Variants in COL10A1 observed in about 807,000 individuals in gnomAD.
COL10A1 encodes collagen alpha-1(X) chain.
In COL10A1, 10 loss-of-function variants were observed where a neutral mutation model predicts 18.2. The ratio of observed to expected loss-of-function variants is 0.55; its 90% CI spans 0.34 to 0.93. The LOEUF (loss-of-function observed/expected upper bound fraction) is 0.93, where lower values mean the gene tolerates loss of function less well. Among genes scored for constraint, COL10A1 ranks in the 40% least tolerant of loss-of-function variants. The pLI, the probability that COL10A1 is intolerant of heterozygous loss-of-function variation, is 0.02. For synonymous variants in COL10A1, 330 were observed against 316.6 expected (o/e 1.04, Z -0.45); for missense variants, 897 against 853.5 (o/e 1.05, Z -0.64).
At chr6:116,187,292 G>A in the COL10A1 span, among the ~76,000 whole-genome samples, 3 of 151,970 alleles carry the variant, frequency 2.0e-5, no homozygotes, top group Non-Finnish European at 4.4e-5. Flanking sequence ...ACTCTGTGAG[G>A]GTCATTAGTT....
rs755612188 is a variant in COL10A1 at position 116,125,372 on chromosome 6, G to C, written c.121C>G (p.Gln41Glu). The C allele has an allele frequency of 1.2e-6, 2 of 1,613,754 alleles. No individual in the cohort carries two copies. The highest frequency in any genetic ancestry group is 1.7e-6 in the Non-Finnish European group (2 of 1,179,824). Residue 41 changes from glutamine to glutamate, a missense_variant, in exon 2 of 3, where the codon CAG becomes GAG. Transcript: ENST00000651968. ...IKGPLPNTKTQFFIPYTIKSK... is the reference protein window; with the variant it reads ...IKGPLPNTKTEFFIPYTIKSK... ...TTTATGGTGTAGGGAATGAAGAACTGTGTCTTGGTGTTGGGTAGTGGGCCT... is the reference window on the plus strand; with the variant it reads ...TTTATGGTGTAGGGAATGAAGAACTCTGTCTTGGTGTTGGGTAGTGGGCCT...
the COL10A1 span, among the ~76,000 whole-genome samples, chr6:116,201,243 A>G: frequency 6.6e-6 from 1 of 152,096 alleles, no homozygotes; most frequent in Non-Finnish European, 1.5e-5. Flanking sequence ...AGTTACCTCT[A>G]TGATACTCTT....
Position 116,121,485 on chromosome 6 carries a change from T to C in COL10A1, c.631A>G (p.Thr211Ala). 1 of 1,614,108 alleles carries C rather than the reference T, an allele frequency of 6.2e-7. No homozygotes were observed. The highest frequency in any genetic ancestry group is 8.5e-7 in the Non-Finnish European group (1 of 1,179,992). The change falls in exon 3 of 3, where the codon ACA becomes GCA. Residue 211 changes from threonine to alanine, a missense_variant. Physicochemically the swap from Thr to Ala is moderately conservative, Grantham distance 58 (BLOSUM62 0). Transcript: ENST00000651968. ...ERGLPGPQGP[T>A]GPSGPPGVGK... ...ACTCCAGGAGGGCCAGATGGTCCTG[T>C]GGGACCCTGAGGGCCTGGAAGACCC... is the stretch of plus-strand genomic sequence containing the variant.
At chr6:116,154,136 A>G (rs1371114927) in intron 1 of COL10A1, among the ~76,000 whole-genome samples, 1 of 151,298 alleles carries the variant, frequency 6.6e-6, no homozygotes, top group Non-Finnish European at 1.5e-5. Flanking sequence ...TTTGTAGTGT[A>G]CTTTTTCCCC....
At chr6:116,132,943 G>A (rs1779505640) in intron 1 of COL10A1, among the ~76,000 whole-genome samples, 1 of 152,112 alleles carries the variant, frequency 6.6e-6, no homozygotes, top group African/African-American at 2.4e-5. Context: ...ATAGTCTAAT[G>A]TGCTTTAGTG....
chr6:116,202,437 C>T, the COL10A1 span, among the ~76,000 whole-genome samples: 14 of 151,958 alleles, frequency 9.2e-5, no homozygotes, highest in South Asian at 4.1e-4. Flanking sequence ...TTAGGGGAAA[C>T]GAGGAAACAA....
chr6:116,160,332 C>A (rs541978992), upstream of COL10A1, among the ~76,000 whole-genome samples: 3 of 152,222 alleles, frequency 2.0e-5, no homozygotes, highest in African/African-American at 7.2e-5. Flanking sequence ...GATGGCATCT[C>A]ACTGTGGTTT....
At chr6:116,151,649 G>A (rs1490824069) in intron 1 of COL10A1, among the ~76,000 whole-genome samples, 1 of 152,022 alleles carries the variant, frequency 6.6e-6, no homozygotes, top group Non-Finnish European at 1.5e-5. Flanking sequence ...ATTGGATTTA[G>A]GGTTACATTT....
chr6:116,174,554 G>A, the COL10A1 span, among the ~76,000 whole-genome samples: 4 of 151,946 alleles, frequency 2.6e-5, no homozygotes, highest in Non-Finnish European at 5.9e-5. Context: ...TTTCCTATTC[G>A]TGTTTTGTTT....
intron 1 of COL10A1, among the ~76,000 whole-genome samples, chr6:116,150,070 G>A (rs2114393611): frequency 6.6e-6 from 1 of 152,238 alleles, no homozygotes; most frequent in Non-Finnish European, 1.5e-5. Context: ...TTAGAGAATA[G>A]GAGTTAGATC....
At chr6:116,130,685 A>G (rs991878526), upstream of COL10A1, among the ~76,000 whole-genome samples, 1 of 152,012 alleles carries the variant, frequency 6.6e-6, no homozygotes, top group Admixed American at 6.6e-5. Context: ...ATATGATAAC[A>G]TTTTACTGAT....
chr6:116,171,301 T>A, the COL10A1 span, among the ~76,000 whole-genome samples: 1 of 152,192 alleles, frequency 6.6e-6, no homozygotes, highest in African/African-American at 2.4e-5. Flanking sequence ...CAAATAAATA[T>A]GTGGTTTTTG....
the COL10A1 span, among the ~76,000 whole-genome samples, chr6:116,185,911 G>A: frequency 5.3e-5 from 8 of 152,084 alleles, no homozygotes; most frequent in East Asian, 1.6e-3. Context: ...CATCCTGCAA[G>A]TTGTTTCCTG....
chr6:116,171,835 T>C, the COL10A1 span, among the ~76,000 whole-genome samples: 2 of 152,188 alleles, frequency 1.3e-5, no homozygotes, highest in Non-Finnish European at 2.9e-5. Context: ...GTAAATTTAG[T>C]GTTTTGATAT....
rs369941065 is a variant in COL10A1 at position 116,120,861 on chromosome 6, C to A, written c.1255G>T (p.Gly419Cys). The A allele has an allele frequency of 5.0e-6, 8 of 1,614,016 alleles. No homozygotes were observed. The highest frequency in any genetic ancestry group is 6.8e-6 in the Non-Finnish European group (8 of 1,179,948). The part of the protein sequence containing the change: ...KGDPGVGGPP[G>C]LPGPVGPAGA... Reference sequence around the variant, plus strand: ...GCTGGGCCCACAGGGCCTGGGAGACCAGGAGGTCCTCCAACTCCAGGATCA... The same window carrying A: ...GCTGGGCCCACAGGGCCTGGGAGACAAGGAGGTCCTCCAACTCCAGGATCA... Residue 419 changes from glycine to cysteine, a missense_variant, in exon 3 of 3, where the codon GGT (glycine) becomes TGT (cysteine). By Grantham distance (159) the Gly-to-Cys change is radical (BLOSUM62 -3). Transcript: ENST00000651968.
intron 1 of COL10A1, among the ~76,000 whole-genome samples, chr6:116,147,100 A>T (rs892500415): frequency 4.0e-5 from 6 of 150,568 alleles, no homozygotes; most frequent in African/African-American, 1.2e-4. Flanking sequence ...TGACAATATT[A>T]AAAAAAAACT....
At chr6:116,128,097 C>A (rs1021853533), upstream of COL10A1, among the ~76,000 whole-genome samples, 4 of 152,112 alleles carry the variant, frequency 2.6e-5, no homozygotes, top group African/African-American at 9.7e-5. Context: ...AAAATCCATA[C>A]CAGGAGGTTG....
Position 116,120,616 on chromosome 6 carries a change from G to C in COL10A1, c.1500C>G (p.His500Gln). 2 of 1,565,212 alleles carry C rather than the reference G, an allele frequency of 1.3e-6. No homozygotes were observed. Among genetic ancestry groups the C allele is most frequent in the Non-Finnish European group, 8.6e-7 (1 of 1,162,118 alleles). The stretch of plus-strand genomic sequence containing the variant: ...GCCCTGGAAGACCAGGCTCTCCAGA[G>C]TGGCCTCTTGGACCTGGAGGCCCTG... ...GPPGPPGPRG[H>Q]SGEPGLPGPP... Residue 500 changes from histidine (H) to glutamine (Q), a missense_variant, in exon 3 of 3, where the codon CAC (histidine) becomes CAG (glutamine). Physicochemically the swap from His to Gln is conservative, Grantham distance 24. Transcript: ENST00000651968.
chr6:116,195,883 T>C, the COL10A1 span, among the ~76,000 whole-genome samples: 1 of 152,016 alleles, frequency 6.6e-6, no homozygotes, highest in East Asian at 1.9e-4. Context: ...CAAAAAGCTA[T>C]TTTAAGCCAC....
Sources: gnomAD v4.1 joint callset for allele counts (sites outside exome capture counted in the v4.1 genomes callset) on GRCh38, gnomAD v4.1.1 for gene constraint, MANE v1.5 for transcripts, NCBI Gene and HGNC (gene_info 2026-07-23, HGNC 2026-07-21) for gene names.